PRKG1: variants seen among roughly 807,000 people sequenced by gnomAD.
The protein encoded by PRKG1 is cGMP-dependent protein kinase 1.
PRKG1 carries 35 observed loss-of-function variants against 88.1 expected under a neutral mutation model. That is an observed-to-expected ratio of 0.40 (90% CI 0.30 to 0.53). The LOEUF (loss-of-function observed/expected upper bound fraction) is 0.53. Among genes scored for constraint, PRKG1 ranks in the 20% least tolerant of loss-of-function variants. The pLI is 0.59. For synonymous variants in PRKG1, 303 were observed against 292.5 expected, an observed-to-expected ratio of 1.04 and a Z score of -0.37; for missense variants, 540 against 839.8, an observed-to-expected ratio of 0.64 and a Z score of 4.41.
intron 7 of PRKG1, among the ~76,000 whole-genome samples, chr10:52,080,489 C>T (rs1015221156): frequency 1.7e-4 from 26 of 151,908 alleles, no homozygotes; most frequent in African/African-American, 5.8e-4. Flanking sequence ...TTTTTTTCTC[C>T]TATTTTTCTT....
chr10:51,771,148 G>T (rs531519426), intron 3 of PRKG1, among the ~76,000 whole-genome samples: 2 of 152,078 alleles, frequency 1.3e-5, no homozygotes, highest in Admixed American at 6.6e-5. Flanking sequence ...GCAATGAAAA[G>T]TTATGTCAAA....
At chr10:51,804,204 G>T (rs1307821832) in intron 3 of PRKG1, among the ~76,000 whole-genome samples, 1 of 151,702 alleles carries the variant, frequency 6.6e-6, no homozygotes, top group African/African-American at 2.4e-5. Flanking sequence ...CACCATGCTG[G>T]GTAATTACTA....
At chr10:52,227,852 C>T (rs531006025) in intron 9 of PRKG1, among the ~76,000 whole-genome samples, 7 of 152,206 alleles carry the variant, frequency 4.6e-5, no homozygotes, top group Middle Eastern at 3.4e-3. Flanking sequence ...TTATTATTGT[C>T]GTTCTCTGGG....
chr10:51,984,152 ACTT>A (rs1170508337), intron 5 of PRKG1, among the ~76,000 whole-genome samples: 1 of 152,110 alleles, frequency 6.6e-6, no homozygotes, highest in Non-Finnish European at 1.5e-5. Context: ...AAGAAAGAAA[ACTT>A]CTCTGTGAGG....
chr10:51,102,999 A>T (rs1844723840), intron 1 of PRKG1, among the ~76,000 whole-genome samples: 1 of 152,228 alleles, frequency 6.6e-6, no homozygotes, highest in Non-Finnish European at 1.5e-5. Flanking sequence ...TAAGAGAGAA[A>T]GAAAAACTGG....
At chr10:51,822,609 C>T (rs1839778355) in intron 4 of PRKG1, among the ~76,000 whole-genome samples, 1 of 152,142 alleles carries the variant, frequency 6.6e-6, no homozygotes, top group Non-Finnish European at 1.5e-5. Flanking sequence ...GTGATTACCA[C>T]ATGGATTGAT....
At chr10:52,144,608 C>T (rs1463854077) in intron 8 of PRKG1, among the ~76,000 whole-genome samples, 3 of 151,986 alleles carry the variant, frequency 2.0e-5, no homozygotes, top group East Asian at 1.9e-4. Context: ...GTCAGGAGTT[C>T]GAGACCAGCC....
chr10:51,127,237 A>G (rs927452760), intron 1 of PRKG1, among the ~76,000 whole-genome samples: 1 of 152,204 alleles, frequency 6.6e-6, no homozygotes, highest in African/African-American at 2.4e-5. Context: ...AGTATCTAGA[A>G]TCTACAAGGA....
At chr10:51,347,531 C>T (rs1040351508) in intron 2 of PRKG1, among the ~76,000 whole-genome samples, 2 of 152,050 alleles carry the variant, frequency 1.3e-5, no homozygotes, top group African/African-American at 4.8e-5. Flanking sequence ...CCCCTAAAAA[C>T]TGGTAATGCC....
intron 3 of PRKG1, among the ~76,000 whole-genome samples, chr10:51,520,936 G>A (rs1011946595): frequency 1.2e-4 from 19 of 152,188 alleles, no homozygotes; most frequent in African/African-American, 3.9e-4. Flanking sequence ...AGTTTAAGGA[G>A]GTTTTAATCA....
intron 7 of PRKG1, among the ~76,000 whole-genome samples, chr10:52,080,343 A>G (rs1446860162): frequency 1.3e-5 from 2 of 152,160 alleles, no homozygotes; most frequent in East Asian, 3.9e-4. Flanking sequence ...CTTATCCATT[A>G]AGAGCTGGCC....
chr10:51,976,449 A>G (rs1221884518), intron 5 of PRKG1, among the ~76,000 whole-genome samples: 1 of 152,010 alleles, frequency 6.6e-6, no homozygotes, highest in Non-Finnish European at 1.5e-5. Context: ...TATAAATGCT[A>G]CAAACTGGAT....
At chr10:51,426,078 C>A (rs1024150027) in intron 2 of PRKG1, among the ~76,000 whole-genome samples, 2 of 152,086 alleles carry the variant, frequency 1.3e-5, no homozygotes, top group Admixed American at 6.5e-5. Context: ...GAGTTTGAGA[C>A]CAGCCTGGCT....
intron 1 of PRKG1, among the ~76,000 whole-genome samples, chr10:51,114,324 ATTTTG>A (rs753031426): frequency 2.0e-5 from 3 of 152,052 alleles, no homozygotes; most frequent in African/African-American, 7.2e-5. Flanking sequence ...TCATTGATAT[ATTTTG>A]TTTTGTTTTG....
chr10:51,017,832 CT>C, intron 1 of PRKG1, among the ~76,000 whole-genome samples: 1 of 151,650 alleles, frequency 6.6e-6, no homozygotes, highest in Middle Eastern at 3.4e-3. Context: ...CAGGGTCTTG[CT>C]TTGTTGTCCA....
chr10:51,563,880 C>A (rs1423903585), intron 3 of PRKG1, among the ~76,000 whole-genome samples: 7 of 152,060 alleles, frequency 4.6e-5, no homozygotes, highest in African/African-American at 4.8e-5. Context: ...TTCTTCCACA[C>A]CATCTCACTA....
intron 3 of PRKG1, among the ~76,000 whole-genome samples, chr10:51,514,614 C>A (rs1841524314): frequency 6.6e-6 from 1 of 152,130 alleles, no homozygotes; most frequent in Non-Finnish European, 1.5e-5. Context: ...TGTAGAATAT[C>A]AAATTATGTG....
chr10:52,269,972 TTAGAGAG>T (rs1841674717), intron 10 of PRKG1, among the ~76,000 whole-genome samples: 1 of 152,038 alleles, frequency 6.6e-6, no homozygotes, highest in South Asian at 2.1e-4. Flanking sequence ...TTCCCAGTTA[TTAGAGAG>T]TAAAGTTTGA....
chr10:51,412,195 GAGAGAGAGAGAGAGAGAGAAAGAA>G (rs1407469872), intron 2 of PRKG1, among the ~76,000 whole-genome samples: 3 of 103,190 alleles, frequency 2.9e-5, no homozygotes, highest in South Asian at 3.4e-4. Context: ...GAGAGAGAGA[GAGAGAGAGAGAGAGAGAGAAAGAA>G]AGAGAGAAAG....
Sources: allele counts gnomAD v4.1 joint callset (sites outside exome capture counted in the v4.1 genomes callset), GRCh38; gene constraint gnomAD v4.1.1; transcripts MANE v1.5; gene names NCBI Gene and HGNC (gene_info 2026-07-23, HGNC 2026-07-21).